The following ADGRB3 variants were observed in gnomAD, a reference collection of about 807,000 sequenced individuals.
ADGRB3 encodes the protein brain-specific angiogenesis inhibitor 3.
In ADGRB3, 37 loss-of-function variants were observed where a neutral mutation model predicts 193.4. The ratio of observed to expected loss-of-function variants is 0.19; its 90% CI spans 0.15 to 0.25. The LOEUF (loss-of-function observed/expected upper bound fraction) is 0.25, where lower values mean the gene tolerates loss of function less well. ADGRB3 is among the 10% of genes least tolerant of loss of function. ADGRB3 has a pLI of 1.00. For missense variants in ADGRB3, 1,637 were observed against 1,852.9 expected, an observed-to-expected ratio of 0.88 and a Z score of 2.14; for synonymous variants, 690 against 644.2, an observed-to-expected ratio of 1.07 and a Z score of -1.08.
intron 3 of ADGRB3, among the ~76,000 whole-genome samples, chr6:68,650,718 C>A (rs566145952): frequency 6.6e-6 from 1 of 152,120 alleles, no homozygotes; most frequent in South Asian, 2.1e-4. Context: ...TTCCGGAAAA[C>A]AATCAAGGCA....
chr6:68,773,100 G>A (rs1766671643), intron 3 of ADGRB3, among the ~76,000 whole-genome samples: 1 of 151,566 alleles, frequency 6.6e-6, no homozygotes, highest in Admixed American at 6.6e-5. Context: ...TGGAAACAGA[G>A]TGAGGATCTG....
At chr6:68,773,776 A>G (rs1218284775) in intron 3 of ADGRB3, among the ~76,000 whole-genome samples, 1 of 152,146 alleles carries the variant, frequency 6.6e-6, no homozygotes, top group Non-Finnish European at 1.5e-5. Flanking sequence ...AAGACTAGAA[A>G]TGGGACCTGG....
chr6:69,022,265 T>C (rs1182232140), intron 13 of ADGRB3, among the ~76,000 whole-genome samples: 1 of 151,836 alleles, frequency 6.6e-6, no homozygotes, highest in Non-Finnish European at 1.5e-5. Context: ...CATAGGTAAG[T>C]GGTTTTTGTT....
intron 17 of ADGRB3, among the ~76,000 whole-genome samples, chr6:69,189,911 A>G (rs571916293): frequency 2.0e-5 from 3 of 152,190 alleles, no homozygotes; most frequent in Non-Finnish European, 4.4e-5. Flanking sequence ...GTAATATTAT[A>G]ATAGAGCTAA....
At chr6:69,216,891 G>A (rs1765781412) in intron 17 of ADGRB3, among the ~76,000 whole-genome samples, 1 of 152,152 alleles carries the variant, frequency 6.6e-6, no homozygotes, top group Non-Finnish European at 1.5e-5. Context: ...CACGCATTCA[G>A]GTTTGGAGAT....
In ADGRB3 at chr6:69,388,788, A is replaced by G; in HGVS notation, c.4466A>G (p.Asp1489Gly). Residue 1489 changes from aspartate (D) to glycine (G), a missense_variant, in exon 32 of 32, where the codon GAC (aspartate) becomes GGC (glycine). Asp to Gly is a moderately conservative substitution (Grantham distance 94). Transcript: ENST00000370598. Reference sequence around the variant, plus strand: ...CATTACACCACAATCAATGTCTTAGACACAGAGGCAAAGGATGCTTTGGAA... The same window carrying G: ...CATTACACCACAATCAATGTCTTAGGCACAGAGGCAAAGGATGCTTTGGAA... Reference protein sequence around the residue: ...YPHYTTINVLDTEAKDALELR... With the variant: ...YPHYTTINVLGTEAKDALELR... 6.2e-7 allele frequency: 1 copy of G among 1,613,586 alleles called. No homozygotes were observed. Among genetic ancestry groups the G allele is most frequent in the Non-Finnish European group, 8.5e-7 (1 of 1,179,684 alleles).
chr6:68,772,343 G>T (rs1013858092), intron 3 of ADGRB3, among the ~76,000 whole-genome samples: 1 of 152,086 alleles, frequency 6.6e-6, no homozygotes. Context: ...TGGATAAGTA[G>T]ATTTCAGAAA....
chr6:68,987,753 G>A (rs1287299154), intron 10 of ADGRB3, among the ~76,000 whole-genome samples: 1 of 152,028 alleles, frequency 6.6e-6, no homozygotes, highest in Non-Finnish European at 1.5e-5. Context: ...GAATCATTAT[G>A]GCACCTCCAA....
At chr6:69,300,875 A>G (rs1582616765) in intron 20 of ADGRB3, among the ~76,000 whole-genome samples, 1 of 151,850 alleles carries the variant, frequency 6.6e-6, no homozygotes, top group African/African-American at 2.4e-5. Flanking sequence ...CATGATGATT[A>G]CATTTCAAAG....
intron 3 of ADGRB3, among the ~76,000 whole-genome samples, chr6:68,762,447 C>T (rs1371747707): frequency 6.6e-6 from 1 of 151,628 alleles, no homozygotes; most frequent in African/African-American, 2.4e-5. Context: ...ACAGATAAAG[C>T]ATCAAAATAA....
chr6:68,941,577 A>G lies in ADGRB3; in HGVS notation c.1031-2253A>G, dbSNP rs938553999. 4.1e-5 allele frequency among the ~76,000 whole-genome samples: 6 copies of G among 145,842 alleles called. 1 individual carries two copies. Among genetic ancestry groups the G allele is most frequent in the African/African-American group, 7.4e-5 (3 of 40,536 alleles). ...AATATAGAACAGTATGATTTGACAG[A>G]AAAAAAAAATGAGCGGAAGCAGCAA... On this transcript the variant is annotated intron_variant, in intron 5 of 31. Transcript: ENST00000370598.
At chr6:69,314,107 G>T (rs184302130) in intron 20 of ADGRB3, among the ~76,000 whole-genome samples, 19 of 151,736 alleles carry the variant, frequency 1.3e-4, no homozygotes, top group Admixed American at 3.9e-4. Flanking sequence ...TGAAGCATCT[G>T]CTGTGTATGA....
intron 20 of ADGRB3, among the ~76,000 whole-genome samples, chr6:69,291,548 C>A (rs111573657): frequency 6.6e-6 from 1 of 152,140 alleles, no homozygotes; most frequent in Non-Finnish European, 1.5e-5. Flanking sequence ...CCCTTAGTAT[C>A]ATTAGCAGTA....
intron 3 of ADGRB3, among the ~76,000 whole-genome samples, chr6:68,914,550 A>G (rs896385896): frequency 1.3e-5 from 2 of 152,216 alleles, no homozygotes; most frequent in African/African-American, 4.8e-5. Flanking sequence ...GAAGCACTAA[A>G]CATGGAAAGG....
In ADGRB3 at chr6:69,263,311, G is replaced by T. The variant is rs182578424; in HGVS notation, c.2814+24085G>T. ...ATTCTCATTCATATACTATATTTCA[G>T]ATATATAATTGGTGATGATACAGAA... On this transcript the variant is annotated intron_variant, in intron 20 of 31. Transcript: ENST00000370598. Among the ~76,000 whole-genome samples, 443 of 152,132 alleles carry T rather than the reference G, an allele frequency of 2.9e-3. 10 individuals are homozygous for T. The highest frequency in any genetic ancestry group is 0.027 in the Admixed American group (412 of 15,270).
At chr6:69,006,334 G>A (rs1415029) in intron 11 of ADGRB3, among the ~76,000 whole-genome samples, 61,511 of 151,552 alleles carry the variant, frequency 0.41, 13,124 homozygotes, top group Middle Eastern at 0.45. Flanking sequence ...AAAAAAAAAC[G>A]AGATCTACTA....
chr6:69,040,565 C>T (rs965354412), intron 13 of ADGRB3, among the ~76,000 whole-genome samples: 4 of 148,362 alleles, frequency 2.7e-5, no homozygotes, highest in South Asian at 2.1e-4. Context: ...GAGAGGAAGC[C>T]GAGGGAGTCC....
intron 11 of ADGRB3, among the ~76,000 whole-genome samples, chr6:69,012,435 G>A (rs1769964370): frequency 6.6e-6 from 1 of 151,992 alleles, no homozygotes; most frequent in Non-Finnish European, 1.5e-5. Flanking sequence ...GAGTTAACCA[G>A]TCACAGGCAA....
chr6:69,180,426 C>G (rs539056596), intron 17 of ADGRB3, among the ~76,000 whole-genome samples: 49 of 152,120 alleles, frequency 3.2e-4, no homozygotes, highest in Non-Finnish European at 6.3e-4. Flanking sequence ...GAGAATCTGT[C>G]TAGGTGTGGA....
Sources: allele counts gnomAD v4.1 joint callset (sites outside exome capture counted in the v4.1 genomes callset), GRCh38; gene constraint gnomAD v4.1.1; transcripts MANE v1.5; gene names NCBI Gene and HGNC (gene_info 2026-07-23, HGNC 2026-07-21).